The following IQSEC3 variants were observed in gnomAD, a reference collection of about 807,000 sequenced individuals.
IQSEC3 encodes the protein IQ motif and SEC7 domain-containing protein 3.
IQSEC3 carries 50 observed loss-of-function variants against 105.4 expected under a neutral mutation model. The observed-to-expected ratio is 0.47, with a 90% CI of 0.38 to 0.60. The LOEUF is 0.60. Among genes scored for constraint, IQSEC3 ranks in the 20% least tolerant of loss-of-function variants. The pLI is 0.00. For synonymous variants in IQSEC3, 708 were observed against 746.0 expected (o/e 0.95, Z 0.83); for missense variants, 1,415 against 1,630.0 (o/e 0.87, Z 2.27).
chr12:151,921 C>T (rs1866524900), intron 5 of IQSEC3, among the ~76,000 whole-genome samples: 1 of 152,150 alleles, frequency 6.6e-6, no homozygotes, highest in African/African-American at 2.4e-5. Context: ...CCCAAAGAGT[C>T]CTTTCCAGAC....
At chr12:106,717 G>T (rs1864666180) in intron 2 of IQSEC3, 1 of 152,182 alleles carries the variant, frequency 6.6e-6, no homozygotes, top group African/African-American at 2.4e-5. Flanking sequence ...GGAATCTTTT[G>T]TATCTTCTTT....
intron 5 of IQSEC3, chr12:143,462 G>A (rs1555089922): frequency 6.5e-6 from 1 of 152,842 alleles, no homozygotes; most frequent in African/African-American, 2.4e-5. Context: ...TCCAAGTCCT[G>A]AGAATCTACC....
intron 2 of IQSEC3, among the ~76,000 whole-genome samples, 194 bp from the exon 3 acceptor site, chr12:125,439 G>A (rs530306856): frequency 2.6e-5 from 4 of 152,052 alleles, no homozygotes; most frequent in East Asian, 1.9e-4. Flanking sequence ...CCCCAGGTGC[G>A]GGTTCTTCTC....
intron 1 of IQSEC3, among the ~76,000 whole-genome samples, chr12:87,476 A>G (rs567958741): frequency 6.6e-6 from 1 of 152,300 alleles, no homozygotes; most frequent in African/African-American, 2.4e-5. Flanking sequence ...CAACTAAGAG[A>G]TCACTAGGGA....
rs145403993 is a variant in IQSEC3, at chr12:85,141, C to T, written c.555-14005C>T. The stretch of plus-strand genomic sequence containing the variant: ...AGAAACATGCATAAATGCAGTGTTG[C>T]TATTGGTCAGGACTTGCCTTCGCCA... On this transcript the variant is annotated intron_variant, in intron 1 of 13. Coordinates refer to ENST00000538872, the MANE Select transcript of IQSEC3 (RefSeq NM_001170738.2). Among the ~76,000 whole-genome samples, 1,075 of 152,314 alleles carry T rather than the reference C, an allele frequency of 7.1e-3. 8 individuals carry two copies. The highest frequency in any genetic ancestry group is 0.011 in the Non-Finnish European group (722 of 68,030).
intron 1 of IQSEC3, among the ~76,000 whole-genome samples, chr12:80,729 G>A (rs1863716169): frequency 6.6e-6 from 1 of 152,184 alleles, no homozygotes; most frequent in South Asian, 2.1e-4. Flanking sequence ...TGCATCTGAT[G>A]GGATAAGAGC....
intron 11 of IQSEC3, chr12:166,186 A>T (rs7975542): frequency 2.6e-6 from 1 of 388,376 alleles, no homozygotes. Flanking sequence ...TACCAGGATG[A>T]CCAAGCGAGC....
chr12:107,611 T>G lies in IQSEC3; in HGVS notation c.623+8397T>G, dbSNP rs369965514. On this transcript the variant is annotated intron_variant, in intron 2 of 13. Coordinates refer to ENST00000538872, the MANE Select transcript of IQSEC3 (RefSeq NM_001170738.2). The stretch of plus-strand genomic sequence containing the variant: ...ATTTTTAGTAGAGACGGGGTTTCAC[T>G]GTGTTAGCCAGGATGGTCTCGATCT... 4.6e-3 allele frequency among the ~76,000 whole-genome samples: 691 copies of G among 151,160 alleles called. 2 individuals carry two copies. The highest frequency in any genetic ancestry group is 0.024 in the South Asian group (115 of 4,746).
Position 71,086 on chromosome 12 carries a change from T to C in IQSEC3, c.554+3650T>C, listed in dbSNP as rs372611551. On this transcript the variant is annotated intron_variant, in intron 1 of 13. Coordinates refer to ENST00000538872, the MANE Select transcript of IQSEC3 (RefSeq NM_001170738.2). ...CCTTATCCTTTAAACACAAAATCAA[T>C]CTTGAGTATCTTTTGAGCTCCCTCT... 6.6e-5 allele frequency among the ~76,000 whole-genome samples: 10 copies of C among 152,256 alleles called. No individual in the cohort carries two copies. In the South Asian group the frequency reaches 1.9e-3, roughly 28 times the overall value.
At chr12:156,414 C>G (rs1866687391) in intron 5 of IQSEC3, among the ~76,000 whole-genome samples, 1 of 151,786 alleles carries the variant, frequency 6.6e-6, no homozygotes. Context: ...GTCATTTACT[C>G]TTAGGCTGTG....
intron 1 of IQSEC3, among the ~76,000 whole-genome samples, chr12:93,752 G>A (rs1394691458): frequency 2.0e-5 from 3 of 152,204 alleles, no homozygotes; most frequent in Admixed American, 6.5e-5. Flanking sequence ...GGCCTAACTC[G>A]AGGTATCTGG....
intron 5 of IQSEC3, among the ~76,000 whole-genome samples, chr12:156,672 G>A (rs1866698009): frequency 6.6e-6 from 1 of 152,230 alleles, no homozygotes; most frequent in African/African-American, 2.4e-5. Context: ...TGAAAGAACA[G>A]AAGAATCAAT....
At chr12:82,519 G>C (rs1863779844) in intron 1 of IQSEC3, among the ~76,000 whole-genome samples, 1 of 152,190 alleles carries the variant, frequency 6.6e-6, no homozygotes, top group African/African-American at 2.4e-5. Context: ...TGTTTCAGCA[G>C]CATGTCAGCT....
At chr12:114,997 G>A (rs1234715975) in intron 2 of IQSEC3, among the ~76,000 whole-genome samples, 2 of 152,248 alleles carry the variant, frequency 1.3e-5, no homozygotes, top group Non-Finnish European at 2.9e-5. Context: ...TCTGATATGT[G>A]CAGCATGAAA....
At chr12:155,407 A>G (rs192621695) in intron 5 of IQSEC3, among the ~76,000 whole-genome samples, 189 of 152,328 alleles carry the variant, frequency 1.2e-3, no homozygotes, top group Non-Finnish European at 2.2e-3. Flanking sequence ...GAAGATGGCC[A>G]TGGGCCCTGC....
chr12:172,496 C>T (rs962854135), intron 13 of IQSEC3, among the ~76,000 whole-genome samples: 2 of 152,208 alleles, frequency 1.3e-5, no homozygotes, highest in Admixed American at 6.5e-5. Flanking sequence ...CCTGCCCTAA[C>T]AGCATATGGC....
At chr12:146,677 A>G (rs111426714) in intron 5 of IQSEC3, among the ~76,000 whole-genome samples, 12 of 148,558 alleles carry the variant, frequency 8.1e-5, no homozygotes, top group Admixed American at 4.0e-4. Context: ...GAAAGAGAGA[A>G]AGAGAGAGAG....
At chr12:76,230 G>A (rs1473646000) in intron 1 of IQSEC3, among the ~76,000 whole-genome samples, 1 of 152,238 alleles carries the variant, frequency 6.6e-6, no homozygotes, top group Non-Finnish European at 1.5e-5. Context: ...GGAAAAGAGA[G>A]GAAAGAGCTG....
At chr12:129,529 C>G (rs2136977362) in intron 3 of IQSEC3, among the ~76,000 whole-genome samples, 1 of 152,310 alleles carries the variant, frequency 6.6e-6, no homozygotes, top group East Asian at 1.9e-4. Flanking sequence ...TCTCACCCCA[C>G]CCCAGCAGTC....
Sources: gnomAD v4.1 joint callset for allele counts (sites outside exome capture counted in the v4.1 genomes callset) on GRCh38, gnomAD v4.1.1 for gene constraint, MANE v1.5 for transcripts, NCBI Gene and HGNC (gene_info 2026-07-23, HGNC 2026-07-21) for gene names.